The following SUPT16H variants were observed in gnomAD, a reference collection of about 807,000 sequenced individuals.
SUPT16H encodes the protein FACT complex subunit SPT16.
Under a neutral mutation model 136.2 loss-of-function variants are expected in SUPT16H, and 24 were observed. The observed-to-expected ratio is 0.18, with a 90% CI of 0.13 to 0.25. SUPT16H has a LOEUF of 0.25. SUPT16H is among the 10% of genes least tolerant of loss of function. The pLI, the probability that SUPT16H is intolerant of heterozygous loss-of-function variation, is 1.00. For missense variants in SUPT16H, 623 were observed against 1,270.2 expected (o/e 0.49, Z 7.74); for synonymous variants, 415 against 428.2 (o/e 0.97, Z 0.38).
At chr14:21,366,372 A>G (rs1886666655) in intron 8 of SUPT16H, 67 bp downstream of exon 8, 6 of 1,449,302 alleles carry the variant, frequency 4.1e-6, no homozygotes, top group South Asian at 1.2e-5. Context: ...GCCTAAAGAA[A>G]TAAGACTGAC....
At chr14:21,376,011 G>C (rs1269733700) in intron 1 of SUPT16H, among the ~76,000 whole-genome samples, 2 of 152,188 alleles carry the variant, frequency 1.3e-5, no homozygotes, top group Non-Finnish European at 2.9e-5. Flanking sequence ...GTCACAGTTA[G>C]GTCTATGATT....
chr14:21,376,359 G>A (rs1022912520), intron 1 of SUPT16H, among the ~76,000 whole-genome samples: 1 of 152,052 alleles, frequency 6.6e-6, no homozygotes, highest in Non-Finnish European at 1.5e-5. Context: ...TGGTCATTCT[G>A]AGCTATAATT....
At position 21,360,537 on chromosome 14, in the gene SUPT16H, G is replaced by T. The variant is rs759764412; in HGVS notation, c.2057-4C>A. The stretch of plus-strand genomic sequence containing the variant: ...CGAACAGATGTGAAGCGGAAGCCTG[G>T]GGAAAAGAATGAAGAAATGTCAAGC... On this transcript the variant is annotated splice_region_variant and splice_polypyrimidine_tract_variant and intron_variant, in intron 17 of 25. Coordinates refer to ENST00000216297, the MANE Select transcript of SUPT16H (RefSeq NM_007192.4). 2.5e-6 allele frequency: 4 copies of T among 1,605,666 alleles called. No homozygotes were observed. The highest frequency in any genetic ancestry group is 1.1e-5 in the South Asian group (1 of 90,186).
At chr14:21,371,319 C>T (rs970193613) in intron 3 of SUPT16H, among the ~76,000 whole-genome samples, 3 of 152,012 alleles carry the variant, frequency 2.0e-5, no homozygotes, top group African/African-American at 7.2e-5. Context: ...AGGGGTCTCA[C>T]GTTGCCCAGG....
Position 21,353,802 on chromosome 14 carries a change from A to C in SUPT16H, c.2821T>G (p.Ser941Ala), listed in dbSNP as rs1459105444. The C allele has an allele frequency of 6.2e-7, 1 of 1,613,788 alleles. No individual in the cohort carries two copies. The highest frequency in any genetic ancestry group is 8.5e-7 in the Non-Finnish European group (1 of 1,179,916). ...GSDAEEGDSE[S>A]EIEDETFNPS... ...TTAAAAGTCTCATCTTCAATTTCAG[A>C]CTCTGAATCCCCTTCTTCAGCATCA... is the stretch of plus-strand genomic sequence containing the variant. The change falls in exon 24 of 26, where the codon TCT (serine) becomes GCT (alanine). Residue 941 changes from serine (S) to alanine (A), a missense_variant. By Grantham distance (99) the Ser-to-Ala change is moderately conservative. Around this residue, in one of 7 missense-constraint regions of SUPT16H, gnomAD observed 88 missense variants for 135.5 expected, o/e 0.65. Coordinates refer to ENST00000216297, the MANE Select transcript of SUPT16H (RefSeq NM_007192.4).
Position 21,361,145 on chromosome 14 carries a change from G to A in SUPT16H, c.1862C>T (p.Ala621Val), listed in dbSNP as rs1252636532. The change falls in exon 16 of 26, where the codon GCT becomes GTT. Residue 621 changes from alanine (A) to valine (V), a missense_variant. Physicochemically the swap from Ala to Val is moderately conservative, Grantham distance 64 (BLOSUM62 0). Around this residue, in one of 7 missense-constraint regions of SUPT16H, gnomAD observed 62 missense variants for 200.5 expected, o/e 0.31. Transcript: ENST00000216297. Reference sequence around the variant, plus strand: ...CTGTACTTCTTTAATAATTCGGAAAGCATTCTGAAGGTTCAAGGCTGGTAC... The same window carrying A: ...CTGTACTTCTTTAATAATTCGGAAAACATTCTGAAGGTTCAAGGCTGGTAC... ...QTVPALNLQNAFRIIKEVQKR... is the reference protein window; with the variant it reads ...QTVPALNLQNVFRIIKEVQKR... 1.2e-6 allele frequency: 2 copies of A among 1,613,966 alleles called. No individual in the cohort carries two copies. Among genetic ancestry groups the A allele is most frequent in the Admixed American group, 3.3e-5 (2 of 59,980 alleles).
chr14:21,366,001 C>T (rs1386712703), intron 8 of SUPT16H, among the ~76,000 whole-genome samples: 1 of 152,086 alleles, frequency 6.6e-6, no homozygotes, highest in Non-Finnish European at 1.5e-5. Flanking sequence ...ATTGGGGGAG[C>T]TGAGATGGGA....
At chr14:21,372,206 G>A (rs1345894289) in intron 2 of SUPT16H, 162 bp from the exon 3 acceptor site, 6 of 714,772 alleles carry the variant, frequency 8.4e-6, no homozygotes, top group African/African-American at 3.6e-5. Context: ...AAGCAAGATC[G>A]GCCAAGAGTC....
rs964676596 is a variant in SUPT16H at position 21,362,820 on chromosome 14, T to C, written c.1639A>G (p.Thr547Ala). ...TVIMPVFGIA[T>A]PFHIATIKNI... Reference sequence around the variant, plus strand: ...TTGATTGTGGCAATGTGAAACGGTGTTGCAATGCCAAACACGGGCATTATT... The same window carrying C: ...TTGATTGTGGCAATGTGAAACGGTGCTGCAATGCCAAACACGGGCATTATT... Residue 547 changes from threonine to alanine, a missense_variant, in exon 14 of 26, where the codon ACA becomes GCA. Coordinates refer to ENST00000216297, the MANE Select transcript of SUPT16H (RefSeq NM_007192.4). 1.9e-6 allele frequency: 3 copies of C among 1,610,434 alleles called. No homozygotes were observed. Among genetic ancestry groups the C allele is most frequent in the East Asian group, 4.5e-5 (2 of 44,884 alleles).
At position 21,368,513 on chromosome 14, in the gene SUPT16H, G is replaced by GTATCAA; in HGVS notation, c.783-78_783-73dup. On this transcript the variant is annotated intron_variant, in intron 6 of 25. Coordinates refer to ENST00000216297, the MANE Select transcript of SUPT16H (RefSeq NM_007192.4). Reference sequence around the variant, plus strand: ...AAGTCCTTGGTATCAATGGGACACGGTATCAATAATCATTACTTTTCCCTG... The same window carrying GTATCAA: ...AAGTCCTTGGTATCAATGGGACACGGTATCAATATCAATAATCATTACTTTTCCCTG... 4 of 1,442,436 alleles carry GTATCAA rather than the reference G, an allele frequency of 2.8e-6. No homozygotes were observed. In the East Asian group the frequency reaches 9.8e-5, roughly 35 times the overall value. 89.4% of individuals were successfully genotyped at this position (1,442,436 alleles called of 1,614,324 possible).
chr14:21,383,431 C>A, intron 1 of SUPT16H: 1 of 526,988 alleles, frequency 1.9e-6, no homozygotes, highest in South Asian at 2.6e-5. Context: ...CCTCCTTGCC[C>A]TTCCATCTCT....
At chr14:21,353,375 A>T in intron 25 of SUPT16H, 113 bp downstream of exon 25, 1 of 1,052,226 alleles carries the variant, frequency 9.5e-7, no homozygotes, top group Non-Finnish European at 1.4e-6. Flanking sequence ...GCACTTTTAT[A>T]GTGTTCTTTT....
At chr14:21,383,310 G>A in intron 1 of SUPT16H, 1 of 360,940 alleles carries the variant, frequency 2.8e-6, no homozygotes, top group Non-Finnish European at 5.0e-6. Flanking sequence ...GTCCCTCTCT[G>A]TAACCCACAG....
intron 25 of SUPT16H, 40 bp downstream of exon 25, chr14:21,353,448 G>A (rs1363106826): frequency 6.4e-7 from 1 of 1,568,910 alleles, no homozygotes; most frequent in Admixed American, 1.7e-5. Flanking sequence ...AGAAATTTGT[G>A]CGTAGACAAA....
intron 25 of SUPT16H, 21 bp from the exon 26 acceptor site, chr14:21,352,839 T>C: frequency 6.2e-7 from 1 of 1,614,124 alleles, no homozygotes. Flanking sequence ...GAGGCATTAT[T>C]AGTTAGCAAT....
At chr14:21,368,058 C>T (rs1401203991) in intron 7 of SUPT16H, among the ~76,000 whole-genome samples, 1 of 152,070 alleles carries the variant, frequency 6.6e-6, no homozygotes, top group African/African-American at 2.4e-5. Flanking sequence ...GGACCACAGG[C>T]GTGCACCACT....
At chr14:21,380,278 A>C (rs1055550502) in intron 1 of SUPT16H, among the ~76,000 whole-genome samples, 1 of 147,356 alleles carries the variant, frequency 6.8e-6, no homozygotes, top group Non-Finnish European at 1.5e-5. Context: ...TCCCTGACAG[A>C]TACTGATGGA....
In SUPT16H at chr14:21,352,825, A is replaced by G; in HGVS notation, c.2999-7T>C. On this transcript the variant is annotated splice_region_variant and splice_polypyrimidine_tract_variant and intron_variant, in intron 25 of 25. Transcript: ENST00000216297. The stretch of plus-strand genomic sequence containing the variant: ...TAACGACTTTCTCGGTCCGCTAAAT[A>G]GAAGAGGCATTATTAGTTAGCAATA... 6.2e-7 allele frequency: 1 copy of G among 1,614,116 alleles called. No individual in the cohort carries two copies. Among genetic ancestry groups the G allele is most frequent in the Non-Finnish European group, 8.5e-7 (1 of 1,180,010 alleles).
chr14:21,371,982 G>A lies in SUPT16H; in HGVS notation c.222C>T (p.Ile74=). The change falls in exon 3 of 26, where the codon ATC becomes ATT. Residue 74 remains isoleucine (I), a synonymous_variant. Coordinates refer to ENST00000216297, the MANE Select transcript of SUPT16H (RefSeq NM_007192.4). The stretch of plus-strand genomic sequence containing the variant: ...CCACTTTTTTCTTGCTGGCCATAAA[G>A]ATGATTTTGTCATCACAAAAGACCA... ...TIMVFCDDKI[I]FMASKKKVEF... is the part of the protein sequence containing the mutation. The A allele has an allele frequency of 6.2e-7, 1 of 1,614,006 alleles. No homozygotes were observed. The highest frequency in any genetic ancestry group is 8.5e-7 in the Non-Finnish European group (1 of 1,180,010).
Sources: allele counts gnomAD v4.1 joint callset (sites outside exome capture counted in the v4.1 genomes callset), GRCh38; gene constraint gnomAD v4.1.1; regional missense constraint gnomAD v4.1.1; transcripts MANE v1.5; gene names NCBI Gene and HGNC (gene_info 2026-07-23, HGNC 2026-07-21).